Variants in NAALADL2 observed in about 807,000 individuals in gnomAD.
The protein encoded by NAALADL2 is inactive N-acetylated-alpha-linked acidic dipeptidase-like protein 2.
NAALADL2 carries 76 observed loss-of-function variants against 87.2 expected under a neutral mutation model. That is an observed-to-expected ratio of 0.87 (90% confidence interval 0.72 to 1.05). The LOEUF (loss-of-function observed/expected upper bound fraction) is 1.05. NAALADL2 is among the 50% of genes least tolerant of loss of function. The pLI is 0.00. For synonymous variants in NAALADL2, 354 were observed against 331.0 expected (o/e 1.07, Z -0.75); for missense variants, 1,089 against 945.8 (o/e 1.15, Z -1.99).
At chr3:174,977,594 A>G (rs1453047991) in intron 1 of NAALADL2, among the ~76,000 whole-genome samples, 1 of 152,178 alleles carries the variant, frequency 6.6e-6, no homozygotes, top group East Asian at 1.9e-4. Context: ...TCTTCTTTTA[A>G]GATGATGTCT....
chr3:175,707,552 G>A (rs1461063547), intron 11 of NAALADL2, among the ~76,000 whole-genome samples: 1 of 151,944 alleles, frequency 6.6e-6, no homozygotes, highest in Non-Finnish European at 1.5e-5. Flanking sequence ...ACTAAACATA[G>A]GAACATCAAA....
At chr3:175,741,126 T>A (rs962905930) in intron 12 of NAALADL2, among the ~76,000 whole-genome samples, 5 of 152,170 alleles carry the variant, frequency 3.3e-5, no homozygotes, top group Non-Finnish European at 5.9e-5. Flanking sequence ...TTCAGGCAGT[T>A]AAAACAAAAT....
rs146001522 is a variant in NAALADL2 at position 175,299,106 on chromosome 3, C to T, written c.940-25069C>T. Among the ~76,000 whole-genome samples the T allele has an allele frequency of 1.0e-2, 1,516 of 152,240 alleles. 31 individuals carry two copies. Among genetic ancestry groups the T allele is most frequent in the African/African-American group, 0.034 (1,428 of 41,552 alleles). On this transcript the variant is annotated intron_variant, in intron 4 of 13. Transcript: ENST00000454872. ...AGATGTGGTGTTATTTCTGAGGCCT[C>T]TGTTCTGTACCATTGGTCTATATAT...
chr3:175,371,368 C>T (rs1028423559), intron 5 of NAALADL2, among the ~76,000 whole-genome samples: 13 of 152,070 alleles, frequency 8.5e-5, no homozygotes, highest in African/African-American at 3.1e-4. Context: ...CCCGGGTTCT[C>T]GCCGTTCTCC....
At chr3:175,342,055 C>A (rs1762618255) in intron 5 of NAALADL2, among the ~76,000 whole-genome samples, 1 of 152,062 alleles carries the variant, frequency 6.6e-6, no homozygotes, top group Admixed American at 6.6e-5. Flanking sequence ...CAGTAATACA[C>A]TGTCTAGGTT....
chr3:175,328,153 C>G (rs997912820), intron 5 of NAALADL2, among the ~76,000 whole-genome samples: 6 of 152,176 alleles, frequency 3.9e-5, no homozygotes, highest in Non-Finnish European at 2.9e-5. Context: ...TTCAGTATAT[C>G]ACACTAGGAT....
intron 2 of NAALADL2, among the ~76,000 whole-genome samples, chr3:174,583,105 AGGT>A (rs1461028753): frequency 3.9e-5 from 6 of 152,206 alleles, no homozygotes; most frequent in African/African-American, 1.4e-4. Flanking sequence ...ACTTAATACA[AGGT>A]TACTAAATAG....
intron 1 of NAALADL2, among the ~76,000 whole-genome samples, chr3:174,982,050 A>G (rs1206779848): frequency 6.6e-6 from 1 of 152,214 alleles, no homozygotes. Context: ...ATTTTTAGTC[A>G]AAATTTTGTC....
rs544345887 is a variant in NAALADL2 at position 175,362,260 on chromosome 3, G to A, written c.1090+37935G>A. Reference sequence around the variant, plus strand: ...TTGGTACCAGTACCATGCTGTTTTGGTTACTGTAGCCTTGTTGTATAGTTT... The same window carrying A: ...TTGGTACCAGTACCATGCTGTTTTGATTACTGTAGCCTTGTTGTATAGTTT... On this transcript the variant is annotated intron_variant, in intron 5 of 13. Transcript: ENST00000454872. Among the ~76,000 whole-genome samples the A allele has an allele frequency of 1.6e-4, 23 of 148,212 alleles. 2 individuals carry two copies. The highest frequency in any genetic ancestry group is 5.4e-4 in the African/African-American group (22 of 40,852).
chr3:175,121,314 C>T (rs1169103219), intron 2 of NAALADL2, among the ~76,000 whole-genome samples: 2 of 151,808 alleles, frequency 1.3e-5, no homozygotes, highest in Admixed American at 1.3e-4. Context: ...ACAATATATG[C>T]AACTGATTAA....
At chr3:174,765,453 G>A (rs989829378) in intron 3 of NAALADL2, among the ~76,000 whole-genome samples, 1 of 151,958 alleles carries the variant, frequency 6.6e-6, no homozygotes, top group African/African-American at 2.4e-5. Flanking sequence ...TACTATCCTT[G>A]TCTCCTTGCA....
At chr3:175,315,825 T>C (rs1759071869) in intron 4 of NAALADL2, among the ~76,000 whole-genome samples, 1 of 152,200 alleles carries the variant, frequency 6.6e-6, no homozygotes, top group South Asian at 2.1e-4. Flanking sequence ...AAAATGTTCT[T>C]ACTATATATT....
At chr3:175,685,505 T>C (rs1298282551) in intron 11 of NAALADL2, among the ~76,000 whole-genome samples, 1 of 148,404 alleles carries the variant, frequency 6.7e-6, no homozygotes, top group Non-Finnish European at 1.5e-5. Context: ...GTTAAATACA[T>C]AGAGACAGAG....
At chr3:174,810,420 A>C (rs910634837) in intron 3 of NAALADL2, among the ~76,000 whole-genome samples, 2 of 152,094 alleles carry the variant, frequency 1.3e-5, no homozygotes, top group Non-Finnish European at 2.9e-5. Context: ...AAGTGGAGCA[A>C]AGGTCACTTC....
chr3:175,084,806 T>A lies in NAALADL2; in HGVS notation c.44-11984T>A, dbSNP rs528115827. ...GTGGAACCAAAATGAAAAAGTCAAT[T>A]GAGAAAAAATTTAAAGGTAATTAAA... On this transcript the variant is annotated intron_variant, in intron 1 of 13. Transcript: ENST00000454872. Among the ~76,000 whole-genome samples the A allele has an allele frequency of 3.3e-5, 5 of 152,238 alleles. No homozygotes were observed. In the South Asian group the frequency reaches 8.3e-4, roughly 25 times the overall value.
chr3:175,313,452 A>G (rs925374280), intron 4 of NAALADL2, among the ~76,000 whole-genome samples: 26 of 152,176 alleles, frequency 1.7e-4, no homozygotes, highest in African/African-American at 5.5e-4. Context: ...GAAGGAGCTA[A>G]ATGATGGAAA....
At chr3:174,597,888 C>G (rs988491464) in intron 2 of NAALADL2, among the ~76,000 whole-genome samples, 2 of 152,154 alleles carry the variant, frequency 1.3e-5, no homozygotes, top group African/African-American at 4.8e-5. Flanking sequence ...CACATTTGAT[C>G]TTTCCTGACT....
At chr3:174,821,480 A>T (rs187401687) in intron 3 of NAALADL2, among the ~76,000 whole-genome samples, 1 of 152,260 alleles carries the variant, frequency 6.6e-6, no homozygotes, top group East Asian at 1.9e-4. Flanking sequence ...GAGTTTTATT[A>T]TATATATTGT....
intron 2 of NAALADL2, among the ~76,000 whole-genome samples, chr3:175,173,568 T>C (rs1271989700): frequency 6.6e-6 from 1 of 152,194 alleles, no homozygotes; most frequent in Non-Finnish European, 1.5e-5. Context: ...TAATCTTAAA[T>C]ATGAACCTTT....
Sources: allele counts gnomAD v4.1 joint callset (sites outside exome capture counted in the v4.1 genomes callset), GRCh38; gene constraint gnomAD v4.1.1; transcripts MANE v1.5; gene names NCBI Gene and HGNC (gene_info 2026-07-23, HGNC 2026-07-21).